The following IL1RAPL2 variants were observed in gnomAD, a reference collection of about 807,000 sequenced individuals.
IL1RAPL2 encodes X-linked interleukin-1 receptor accessory protein-like 2.
IL1RAPL2 carries 3 observed loss-of-function variants against 44.1 expected under a neutral mutation model. The observed-to-expected ratio is 0.07, with a 90% CI of 0.03 to 0.18. The LOEUF (loss-of-function observed/expected upper bound fraction) is 0.18. Among genes scored for constraint, IL1RAPL2 ranks in the 10% least tolerant of loss-of-function variants. IL1RAPL2 has a pLI of 1.00. For synonymous variants in IL1RAPL2, 181 were observed against 178.8 expected (o/e 1.01, Z -0.10); for missense variants, 391 against 496.4 (o/e 0.79, Z 2.02).
chrX:104,611,438 T>C (rs190112632), intron 1 of IL1RAPL2, among the ~76,000 whole-genome samples: 1 of 110,851 alleles, frequency 9.0e-6, no homozygotes, highest in African/African-American at 3.3e-5. Flanking sequence ...CAGCTTTCTT[T>C]ACACTGCAAG....
At chrX:104,778,020 GT>G (rs201651612) in intron 2 of IL1RAPL2, among the ~76,000 whole-genome samples, 97 of 106,962 alleles carry the variant, frequency 9.1e-4, no homozygotes, top group African/African-American at 2.8e-3. Flanking sequence ...GCCAACACTT[GT>G]TTTTTTTTTA....
chrX:105,160,179 A>G (rs757154681), intron 2 of IL1RAPL2, among the ~76,000 whole-genome samples: 1 of 110,877 alleles, frequency 9.0e-6, no homozygotes, highest in African/African-American at 3.3e-5. Flanking sequence ...TCAAAAGTTG[A>G]TGAGAATCCA....
intron 6 of IL1RAPL2, among the ~76,000 whole-genome samples, chrX:105,579,355 A>G (rs1306442563): frequency 8.9e-6 from 1 of 111,790 alleles, no homozygotes; most frequent in African/African-American, 3.2e-5. Flanking sequence ...ATTTTCTTTT[A>G]TATGCAACAT....
At chrX:105,595,246 G>T (rs1277096907) in intron 6 of IL1RAPL2, among the ~76,000 whole-genome samples, 1 of 111,587 alleles carries the variant, frequency 9.0e-6, no homozygotes, top group Admixed American at 9.6e-5. Flanking sequence ...AGTTTTGTAG[G>T]ATGTATTTAG....
chrX:104,898,959 TA>T (rs947221353), intron 2 of IL1RAPL2, among the ~76,000 whole-genome samples: 3 of 112,305 alleles, frequency 2.7e-5, no homozygotes, highest in African/African-American at 6.5e-5. Context: ...TTACTGCAAA[TA>T]TTTTTTTTCC....
At chrX:105,120,590 A>G (rs1195090596) in intron 2 of IL1RAPL2, among the ~76,000 whole-genome samples, 1 of 111,341 alleles carries the variant, frequency 9.0e-6, no homozygotes, top group African/African-American at 3.3e-5. Flanking sequence ...CTGCTGATAT[A>G]TTGTGGACTG....
chrX:105,487,040 T>C (rs1378282463), intron 6 of IL1RAPL2, among the ~76,000 whole-genome samples: 3 of 96,658 alleles, frequency 3.1e-5, no homozygotes, highest in Non-Finnish European at 6.0e-5. Context: ...TGCAGTGAGC[T>C]GAGATCATGC....
intron 2 of IL1RAPL2, among the ~76,000 whole-genome samples, chrX:104,845,559 C>T (rs1018043843): frequency 2.7e-5 from 3 of 111,801 alleles, no homozygotes; most frequent in African/African-American, 9.7e-5. Flanking sequence ...AAGGGTGGCA[C>T]AATGTGTGAA....
chrX:105,350,327 C>T (rs1199953870), intron 5 of IL1RAPL2, among the ~76,000 whole-genome samples: 7 of 111,965 alleles, frequency 6.3e-5, no homozygotes, highest in Admixed American at 1.9e-4. Context: ...GGTCTCTGGA[C>T]CACTGCCAGA....
At chrX:105,396,089 G>A (rs2147732736) in intron 5 of IL1RAPL2, among the ~76,000 whole-genome samples, 1 of 110,698 alleles carries the variant, frequency 9.0e-6, no homozygotes, top group South Asian at 3.8e-4. Context: ...AGATGGTAAG[G>A]GAGCAAAATT....
At chrX:105,106,830 A>G (rs1320707916) in intron 2 of IL1RAPL2, among the ~76,000 whole-genome samples, 2 of 112,060 alleles carry the variant, frequency 1.8e-5, no homozygotes, top group African/African-American at 6.5e-5. Context: ...CATGGGGGAA[A>G]GATCATAAAA....
At chrX:105,045,547 T>C (rs1447827359) in intron 2 of IL1RAPL2, among the ~76,000 whole-genome samples, 2 of 110,476 alleles carry the variant, frequency 1.8e-5, no homozygotes, top group African/African-American at 6.6e-5. Context: ...TTGACTTTTA[T>C]TGTGTTTATT....
At chrX:105,321,504 G>A (rs1775739021) in intron 5 of IL1RAPL2, among the ~76,000 whole-genome samples, 1 of 112,342 alleles carries the variant, frequency 8.9e-6, no homozygotes, top group Non-Finnish European at 1.9e-5. Flanking sequence ...GACAGCAAAA[G>A]CAGAGCATTA....
chrX:104,707,659 C>CA (rs1824798305), intron 2 of IL1RAPL2, among the ~76,000 whole-genome samples: 1 of 111,308 alleles, frequency 9.0e-6, no homozygotes, highest in African/African-American at 3.3e-5. Context: ...AGTGCTCCTT[C>CA]AAAAAATGGG....
chrX:105,065,090 A>G (rs1180006505), intron 2 of IL1RAPL2, among the ~76,000 whole-genome samples: 2 of 112,493 alleles, frequency 1.8e-5, no homozygotes, highest in East Asian at 5.6e-4. Context: ...ACTGAAACTG[A>G]CAGCTCAAAT....
intron 2 of IL1RAPL2, among the ~76,000 whole-genome samples, chrX:104,998,591 T>C (rs2030791594): frequency 9.1e-6 from 1 of 110,029 alleles, no homozygotes; most frequent in African/African-American, 3.3e-5. Flanking sequence ...CTGGGAAACA[T>C]AGTGAAACAC....
At position 105,488,507 on chromosome X, in the gene IL1RAPL2, C is replaced by T. The variant is rs960704237; in HGVS notation, c.772+4120C>T. Among the ~76,000 whole-genome samples the T allele has an allele frequency of 6.2e-5, 7 of 112,269 alleles. No individual in the cohort carries two copies. The East Asian group carries it at 2.0e-3, about 31-fold the overall frequency. ...GCTGAACTCTTCTCAAATTTATGACCCCAAAATTCATGAGCAAAGTAAAGT... is the reference window on the plus strand; with the variant it reads ...GCTGAACTCTTCTCAAATTTATGACTCCAAAATTCATGAGCAAAGTAAAGT... On this transcript the variant is annotated intron_variant, in intron 6 of 10. Transcript: ENST00000372582.
chrX:105,462,272 T>C (rs2036098652), intron 5 of IL1RAPL2, among the ~76,000 whole-genome samples: 1 of 111,363 alleles, frequency 9.0e-6, no homozygotes, highest in South Asian at 3.8e-4. Flanking sequence ...ATATTTTCTT[T>C]ATTCCATTCT....
chrX:105,526,847 T>A (rs2036598302), intron 6 of IL1RAPL2, among the ~76,000 whole-genome samples: 1 of 111,527 alleles, frequency 9.0e-6, no homozygotes, highest in Non-Finnish European at 1.9e-5. Flanking sequence ...TCTGGTTTAG[T>A]GCTTTCTGGG....
Sources: gnomAD v4.1 joint callset for allele counts (sites outside exome capture counted in the v4.1 genomes callset) on GRCh38, gnomAD v4.1.1 for gene constraint, MANE v1.5 for transcripts, NCBI Gene and HGNC (gene_info 2026-07-23, HGNC 2026-07-21) for gene names.